MED13: variants seen among roughly 807,000 people sequenced by gnomAD.
MED13 encodes mediator complex subunit 13, also known as mediator of RNA polymerase II transcription subunit 13.
MED13 carries 23 observed loss-of-function variants against 225.2 expected under a neutral mutation model. That is an observed-to-expected ratio of 0.10 (90% confidence interval 0.07 to 0.14). The LOEUF (loss-of-function observed/expected upper bound fraction) is 0.14, where lower values mean the gene tolerates loss of function less well. MED13 is among the 10% of genes least tolerant of loss of function. The pLI, the probability that MED13 is intolerant of heterozygous loss-of-function variation, is 1.00. For synonymous variants in MED13, 942 were observed against 889.2 expected (o/e 1.06, Z -1.06); for missense variants, 2,197 against 2,594.5 (o/e 0.85, Z 3.33).
chr17:61,971,049 A>G (rs1410454368), intron 17 of MED13, among the ~76,000 whole-genome samples: 1 of 151,956 alleles, frequency 6.6e-6, no homozygotes, highest in Non-Finnish European at 1.5e-5. Flanking sequence ...AAATAAAAAT[A>G]CACCCATGCT....
chr17:62,032,105 T>C (rs937220052), intron 5 of MED13, among the ~76,000 whole-genome samples: 2 of 151,982 alleles, frequency 1.3e-5, no homozygotes, highest in African/African-American at 4.8e-5. Context: ...CTGTCACAAC[T>C]GCTCTAGTAG....
At chr17:62,012,469 A>G (rs1451022075) in intron 8 of MED13, among the ~76,000 whole-genome samples, 1 of 150,968 alleles carries the variant, frequency 6.6e-6, no homozygotes, top group Non-Finnish European at 1.5e-5. Context: ...AGATGGGACT[A>G]CAGGCATGTG....
intron 17 of MED13, 34 bp from the exon 18 acceptor site, chr17:61,968,292 TAAAAACAA>T (rs1267598414): frequency 7.1e-7 from 1 of 1,415,582 alleles, no homozygotes; most frequent in African/African-American, 1.4e-5. Flanking sequence ...AGAAAACACT[TAAAAACAA>T]GACATGTCTC....
intron 9 of MED13, chr17:62,007,291 TAAAGAACA>T (rs1351331304): frequency 6.6e-6 from 1 of 151,522 alleles, no homozygotes; most frequent in Non-Finnish European, 1.5e-5. Flanking sequence ...AGAATCCGAG[TAAAGAACA>T]AGACCAAAAT....
intron 11 of MED13, among the ~76,000 whole-genome samples, chr17:61,989,219 C>G (rs2080274169): frequency 6.6e-6 from 1 of 152,052 alleles, no homozygotes; most frequent in African/African-American, 2.4e-5. Flanking sequence ...ACTGTGTTAG[C>G]CAGGATGGTC....
chr17:61,954,471 T>A (rs567111743), intron 26 of MED13, among the ~76,000 whole-genome samples: 1 of 152,186 alleles, frequency 6.6e-6, no homozygotes, highest in Non-Finnish European at 1.5e-5. Context: ...TGACCAACTA[T>A]TGCCTTTTAA....
intron 8 of MED13, among the ~76,000 whole-genome samples, chr17:62,013,687 G>GT: frequency 6.6e-6 from 1 of 152,266 alleles, no homozygotes; most frequent in Admixed American, 6.5e-5. Flanking sequence ...GCAAGAAAGA[G>GT]GTCAGAGATT....
chr17:61,961,334 C>T (rs916885174), intron 22 of MED13, among the ~76,000 whole-genome samples: 1 of 151,930 alleles, frequency 6.6e-6, no homozygotes, highest in Middle Eastern at 3.4e-3. Context: ...TCGAAACCAA[C>T]CTGGCCAACA....
At chr17:62,037,692 G>A (rs1350912666) in intron 3 of MED13, among the ~76,000 whole-genome samples, 2 of 139,882 alleles carry the variant, frequency 1.4e-5, no homozygotes, top group Non-Finnish European at 3.1e-5. Context: ...AAGACAAAGA[G>A]GCCTGTAATC....
At chr17:61,996,905 A>C (rs1292813073) in intron 9 of MED13, among the ~76,000 whole-genome samples, 1 of 152,230 alleles carries the variant, frequency 6.6e-6, no homozygotes, top group Non-Finnish European at 1.5e-5. Context: ...ATAGGTGTCA[A>C]TACTTGCTAG....
chr17:61,987,169 T>C (rs368955428), intron 11 of MED13, 41 bp from the exon 12 acceptor site: 3 of 1,496,338 alleles, frequency 2.0e-6, no homozygotes, highest in Admixed American at 2.0e-5. Context: ...AAACTGCTAC[T>C]ACTATGCCTG....
In MED13 at chr17:62,052,752, A is replaced by C. The variant is rs745396004; in HGVS notation, c.302-47T>G. 2.8e-5 allele frequency: 39 copies of C among 1,382,746 alleles called. No homozygotes were observed. The South Asian group carries it at 6.6e-4, about 23-fold the overall frequency. 85.7% of individuals were successfully genotyped at this position (1,382,746 alleles called of 1,614,324 possible). A position where few individuals can be genotyped will look rare whatever the true frequency, so the allele number is the denominator to read the frequency against. On this transcript the variant is annotated intron_variant, in intron 2 of 29. Coordinates refer to ENST00000397786, the MANE Select transcript of MED13 (RefSeq NM_005121.3). ...TAATAAAATAGTGACACTATAATCT[A>C]TTCAGAGCCAAGTAAAAAAGGTTAC...
chr17:61,955,696 A>T lies in MED13; in HGVS notation c.5766T>A (p.Ser1922=). ...ACLVAMEPQG[S]FVIMPDSVST... Reference sequence around the variant, plus strand: ...ATAGCTAACCTGGCATAATAACAAAAGAGCCTTGCGGCTCCATTGCCACCA... The same window carrying T: ...ATAGCTAACCTGGCATAATAACAAATGAGCCTTGCGGCTCCATTGCCACCA... Residue 1922 remains serine, a synonymous_variant, in exon 25 of 30, where the codon TCT becomes TCA. Transcript: ENST00000397786. The T allele has an allele frequency of 6.2e-7, 1 of 1,600,516 alleles. No individual in the cohort carries two copies. The highest frequency in any genetic ancestry group is 8.5e-7 in the Non-Finnish European group (1 of 1,176,620).
chr17:61,948,211 A>G (rs1200502490), intron 28 of MED13, among the ~76,000 whole-genome samples: 1 of 152,172 alleles, frequency 6.6e-6, no homozygotes, highest in East Asian at 1.9e-4. Flanking sequence ...AAAATAAGAT[A>G]TATGAAAAAA....
At chr17:62,005,701 G>A (rs1172603239) in intron 9 of MED13, 2 of 152,252 alleles carry the variant, frequency 1.3e-5, no homozygotes, top group Non-Finnish European at 2.9e-5. Context: ...CTGCTAAAAT[G>A]ACGATAAAAG....
intron 18 of MED13, among the ~76,000 whole-genome samples, chr17:61,967,017 C>T (rs1190273835): frequency 6.6e-6 from 1 of 152,094 alleles, no homozygotes; most frequent in African/African-American, 2.4e-5. Flanking sequence ...TATACATTAA[C>T]ACCAATTCAT....
chr17:62,014,289 TG>T (rs574310979), intron 8 of MED13, among the ~76,000 whole-genome samples: 153 of 150,090 alleles, frequency 1.0e-3, no homozygotes, highest in Non-Finnish European at 1.7e-3. Flanking sequence ...TCTATGATGA[TG>T]GGAAGTTCTG....
chr17:61,995,123 A>C, intron 10 of MED13, 29 bp downstream of exon 10: 1 of 1,475,342 alleles, frequency 6.8e-7, no homozygotes, highest in Non-Finnish European at 9.5e-7. Context: ...ATCAACAGTG[A>C]CCCTTTGGTG....
intron 9 of MED13, among the ~76,000 whole-genome samples, chr17:61,998,596 CTT>C (rs58261678): frequency 6.9e-5 from 8 of 115,528 alleles, no homozygotes; most frequent in African/African-American, 1.1e-4. Flanking sequence ...TTCCCACCGC[CTT>C]TTTTTTTTTT....
Sources: gnomAD v4.1 joint callset for allele counts (sites outside exome capture counted in the v4.1 genomes callset) on GRCh38, gnomAD v4.1.1 for gene constraint, MANE v1.5 for transcripts, NCBI Gene and HGNC (gene_info 2026-07-23, HGNC 2026-07-21) for gene names.